The following ANO4 variants were observed in gnomAD, a reference collection of about 807,000 sequenced individuals.
The protein encoded by ANO4 is anoctamin 4, also known as anoctamin-4.
A neutral mutation model predicts 141.9 loss-of-function variants in ANO4; 69 were observed. The ratio of observed to expected loss-of-function variants is 0.49; its 90% confidence interval spans 0.40 to 0.59. The LOEUF is 0.59. Among genes scored for constraint, ANO4 ranks in the 20% least tolerant of loss-of-function variants. The pLI, the probability that ANO4 is intolerant of heterozygous loss-of-function variation, is 0.00. For synonymous variants in ANO4, 350 were observed against 394.3 expected, an observed-to-expected ratio of 0.89 and a Z score of 1.33; for missense variants, 894 against 1,162.2, an observed-to-expected ratio of 0.77 and a Z score of 3.36.
intron 10 of ANO4, 45 bp downstream of exon 10, chr12:101,037,195 T>C (rs2047234455): frequency 6.3e-7 from 1 of 1,587,550 alleles, no homozygotes. Flanking sequence ...AATCGTTTGT[T>C]ACTAAAGTCA....
chr12:100,751,375 A>AC (rs1481774856), intron 3 of ANO4, among the ~76,000 whole-genome samples: 1 of 151,980 alleles, frequency 6.6e-6, no homozygotes, highest in Non-Finnish European at 1.5e-5. Context: ...AGGTTTTCCA[A>AC]CCCCCAGGAA....
chr12:101,127,675 T>G (rs1288261790), intron 27 of ANO4, among the ~76,000 whole-genome samples, 186 bp from the exon 28 acceptor site: 1 of 152,230 alleles, frequency 6.6e-6, no homozygotes, highest in Non-Finnish European at 1.5e-5. Flanking sequence ...TGCTTTAGAC[T>G]GCCCTTCTGA....
chr12:100,827,156 TA>T (rs2036394068), intron 1 of ANO4, among the ~76,000 whole-genome samples: 1 of 152,064 alleles, frequency 6.6e-6, no homozygotes, highest in South Asian at 2.1e-4. Flanking sequence ...ACAAAGTCCT[TA>T]TAATGGCTCT....
At chr12:101,075,008 T>C (rs2048966332) in intron 14 of ANO4, among the ~76,000 whole-genome samples, 1 of 152,106 alleles carries the variant, frequency 6.6e-6, no homozygotes, top group African/African-American at 2.4e-5. Flanking sequence ...TTTGGGTTTT[T>C]ATTGGTTTTG....
chr12:100,975,237 G>T (rs1341680562), intron 7 of ANO4, among the ~76,000 whole-genome samples: 8 of 150,964 alleles, frequency 5.3e-5, no homozygotes, highest in Non-Finnish European at 1.0e-4. Flanking sequence ...ATTTAGTGGT[G>T]ATTTCTGAGA....
chr12:100,719,463 A>G (rs879689038), intron 1 of ANO4, among the ~76,000 whole-genome samples: 2 of 152,176 alleles, frequency 1.3e-5, no homozygotes, highest in Non-Finnish European at 2.9e-5. Context: ...AACCCTCCGC[A>G]AATCTTCTCT....
intron 2 of ANO4, among the ~76,000 whole-genome samples, chr12:100,912,893 T>C (rs2041177152): frequency 6.6e-6 from 1 of 152,208 alleles, no homozygotes; most frequent in South Asian, 2.1e-4. Context: ...GAACAGTTAG[T>C]GCTGTGGTTT....
intron 1 of ANO4, among the ~76,000 whole-genome samples, chr12:100,797,122 A>G (rs549557755): frequency 3.2e-5 from 4 of 125,618 alleles, no homozygotes; most frequent in South Asian, 5.2e-4. Flanking sequence ...GTTTATATAT[A>G]TGTGTGTGTA....
chr12:100,721,852 ATT>A (rs377385548), intron 1 of ANO4, among the ~76,000 whole-genome samples: 30 of 133,410 alleles, frequency 2.2e-4, no homozygotes, highest in African/African-American at 3.3e-4. Flanking sequence ...CTAACTTTTA[ATT>A]TTTTTTTTTT....
intron 9 of ANO4, 112 bp downstream of exon 9, chr12:101,020,252 A>C (rs191292671): frequency 1.5e-6 from 1 of 682,824 alleles, no homozygotes; most frequent in Non-Finnish European, 2.5e-6. Context: ...CACTTATAAA[A>C]CCCCTAACTA....
intron 5 of ANO4, among the ~76,000 whole-genome samples, chr12:100,946,555 G>A (rs535587118): frequency 6.6e-6 from 1 of 152,286 alleles, no homozygotes. Context: ...TCTGACACAT[G>A]GTATTTATCT....
At chr12:101,093,607 C>T (rs1174344761) in intron 17 of ANO4, among the ~76,000 whole-genome samples, 1 of 152,136 alleles carries the variant, frequency 6.6e-6, no homozygotes, top group Non-Finnish European at 1.5e-5. Context: ...CTAGACTATA[C>T]TCTCTGCTCC....
At position 100,783,192 on chromosome 12, in the gene ANO4, G is replaced by A. The variant is rs550344834; in HGVS notation, c.358+43087G>A. Among the ~76,000 whole-genome samples, 14 of 152,252 alleles carry A rather than the reference G, an allele frequency of 9.2e-5. 1 individual carries two copies. The highest frequency in any genetic ancestry group is 3.1e-4 in the African/African-American group (13 of 41,540). On this transcript the variant is annotated intron_variant, in intron 3 of 29. Transcript: ENST00000644049. ...GGCGATCTGATTGAGGAAGTGTGGTGGGTGCTGATGGTAGGAGGACAGACT... is the reference window on the plus strand; with the variant it reads ...GGCGATCTGATTGAGGAAGTGTGGTAGGTGCTGATGGTAGGAGGACAGACT...
chr12:101,096,627 C>T lies in ANO4; in HGVS notation c.1830C>T (p.Tyr610=), dbSNP rs779081658. 4 of 1,613,204 alleles carry T rather than the reference C, an allele frequency of 2.5e-6. No homozygotes were observed. The highest frequency in any genetic ancestry group is 1.1e-5 in the South Asian group (1 of 91,082). Reference sequence around the variant, plus strand: ...TCAATCTGAACAGCTCCACATTTTACATCGCATTCTTCCTCGGAAGGTAAG... The same window carrying T: ...TCAATCTGAACAGCTCCACATTTTATATCGCATTCTTCCTCGGAAGGTAAG... ...QFVNLNSSTF[Y]IAFFLGRFTG... Residue 610 remains tyrosine (Y), a synonymous_variant, in exon 19 of 28, where the codon TAC becomes TAT. Transcript: ENST00000392977.
intron 1 of ANO4, among the ~76,000 whole-genome samples, chr12:100,722,947 C>T (rs1189572648): frequency 6.6e-6 from 1 of 151,970 alleles, no homozygotes; most frequent in Non-Finnish European, 1.5e-5. Flanking sequence ...TTATGCTTTA[C>T]CTACTAGATA....
At chr12:100,746,704 C>G (rs1468786691) in intron 3 of ANO4, among the ~76,000 whole-genome samples, 1 of 152,132 alleles carries the variant, frequency 6.6e-6, no homozygotes, top group Non-Finnish European at 1.5e-5. Context: ...GTCCCTAACT[C>G]ATTGTCCCAT....
Position 101,063,745 on chromosome 12 carries a change from C to CTTTTTTTTTTTTTTTTT in ANO4, c.1312+15361_1312+15377dup. 9.7e-4 allele frequency among the ~76,000 whole-genome samples: 24 copies of CTTTTTTTTTTTTTTTTT among 24,798 alleles called. 8 individuals are homozygous for CTTTTTTTTTTTTTTTTT. The highest frequency in any genetic ancestry group is 2.7e-3 in the African/African-American group (15 of 5,636). 16.3% of individuals were successfully genotyped at this position (24,798 alleles called of 152,430 possible). ...ATGGATGGAAGGTTGTCCAGGTTAT[C>CTTTTTTTTTTTTTTTTT]TTTTTTTTTTTTTTTTTTTTTTTTT... On this transcript the variant is annotated intron_variant, in intron 14 of 27. Coordinates refer to ENST00000392977, the MANE Select transcript of ANO4 (RefSeq NM_001286615.2).
At chr12:101,057,938 A>G (rs1029611632) in intron 14 of ANO4, among the ~76,000 whole-genome samples, 1 of 152,204 alleles carries the variant, frequency 6.6e-6, no homozygotes, top group East Asian at 1.9e-4. Flanking sequence ...GTCTTTGCCC[A>G]TGCCTATGTC....
At chr12:100,991,465 G>T (rs1003223812) in intron 8 of ANO4, among the ~76,000 whole-genome samples, 1 of 140,546 alleles carries the variant, frequency 7.1e-6, no homozygotes, top group African/African-American at 2.6e-5. Context: ...TAATAGAAAT[G>T]TAAGTGTGTT....
Sources: gnomAD v4.1 joint callset for allele counts (sites outside exome capture counted in the v4.1 genomes callset) on GRCh38, gnomAD v4.1.1 for gene constraint, MANE v1.5 for transcripts, NCBI Gene and HGNC (gene_info 2026-07-23, HGNC 2026-07-21) for gene names.